Variants in CNPY4 observed in about 807,000 individuals in gnomAD.
The protein encoded by CNPY4 is protein canopy homolog 4.
Under a neutral mutation model 30.1 loss-of-function variants are expected in CNPY4, and 33 were observed. That is an observed-to-expected ratio of 1.10 (90% CI 0.83 to 1.46). CNPY4 has a LOEUF of 1.46. Among genes scored for constraint, CNPY4 ranks in the 40% most tolerant of loss-of-function variants. The pLI, the probability that CNPY4 is intolerant of heterozygous loss-of-function variation, is 0.00. For missense variants in CNPY4, 324 were observed against 302.6 expected, an observed-to-expected ratio of 1.07 and a Z score of -0.52; for synonymous variants, 109 against 110.1, an observed-to-expected ratio of 0.99 and a Z score of 0.06.
At chr7:100,124,436 G>A in intron 4 of CNPY4, 78 bp from the exon 5 acceptor site, 6 of 1,163,486 alleles carry the variant, frequency 5.2e-6, no homozygotes, top group Non-Finnish European at 6.4e-6. Flanking sequence ...AATCAGTCAG[G>A]TTGAGCAGGG....
chr7:100,121,595 C>G (rs543152269), intron 1 of CNPY4, among the ~76,000 whole-genome samples: 1 of 151,850 alleles, frequency 6.6e-6, no homozygotes, highest in Non-Finnish European at 1.5e-5. Flanking sequence ...CAGGTGCGCA[C>G]CACCACACCT....
chr7:100,124,361 T>C, intron 4 of CNPY4, 153 bp from the exon 5 acceptor site: 1 of 612,774 alleles, frequency 1.6e-6, no homozygotes, highest in Admixed American at 2.7e-5. Flanking sequence ...TAAATGTTTG[T>C]TGAATGAATG....
At chr7:100,123,153 C>G (rs1447331992) in intron 4 of CNPY4, among the ~76,000 whole-genome samples, 1 of 151,880 alleles carries the variant, frequency 6.6e-6, no homozygotes, top group African/African-American at 2.4e-5. Flanking sequence ...ACCAGCCTGG[C>G]CAACAAGGCA....
At chr7:100,121,117 T>TATACATATATA (rs1491228284) in intron 1 of CNPY4, 1 of 35,162 alleles carries the variant, frequency 2.8e-5, no homozygotes, top group Non-Finnish European at 4.9e-5. Context: ...TATATATATA[T>TATACATATATA]TTTTTTTTTT....
rs554298119 is a variant in CNPY4, at chr7:100,121,911, G to A, written c.119-348G>A. 8 of 205,786 alleles carry A rather than the reference G, an allele frequency of 3.9e-5. No homozygotes were observed. The South Asian group carries it at 4.5e-4, about 11-fold the overall frequency. 12.7% of individuals were successfully genotyped at this position (205,786 alleles called of 1,614,324 possible). A position where few individuals can be genotyped will look rare whatever the true frequency, so the allele number is the denominator to read the frequency against. ...TAAAAATACAAAAAATTAGCCGGGC[G>A]TGGTGGTGGGTGCCTGTAGTCCCAG... On this transcript the variant is annotated intron_variant, in intron 1 of 5. Transcript: ENST00000262932.
chr7:100,121,779 G>T (rs894350699), intron 1 of CNPY4, among the ~76,000 whole-genome samples: 1 of 151,608 alleles, frequency 6.6e-6, no homozygotes, highest in Non-Finnish European at 1.5e-5. Context: ...GGCCGGGCGT[G>T]GTGGCTCACG....
chr7:100,123,492 C>A (rs535178866), intron 4 of CNPY4, among the ~76,000 whole-genome samples: 139 of 152,164 alleles, frequency 9.1e-4, no homozygotes, highest in South Asian at 6.6e-3. Context: ...ACATAAGAGA[C>A]CCCCTTCTCT....
intron 1 of CNPY4, chr7:100,121,116 A>ATAT (rs1584585316): frequency 7.6e-5 from 4 of 52,774 alleles, no homozygotes; most frequent in African/African-American, 2.9e-4. Context: ...ATATATATAT[A>ATAT]TTTTTTTTTT....
intron 3 of CNPY4, 40 bp from the exon 4 acceptor site, chr7:100,122,744 G>C (rs1471892949): frequency 6.3e-6 from 10 of 1,592,764 alleles, no homozygotes; most frequent in Non-Finnish European, 8.6e-6. Flanking sequence ...GGAGGGGTGG[G>C]GTGGTGAGCT....
rs771894410 is a variant in CNPY4, at chr7:100,119,728, G to A, written c.-17G>A. On this transcript the variant is annotated 5_prime_UTR_variant, in exon 1 of 6. Coordinates refer to ENST00000262932, the MANE Select transcript of CNPY4 (RefSeq NM_152755.2). ...AGTTGAAGGCAAGCGGTGATTGTTT[G>A]TAGACGGCGCTTTGTCATGGGACCT... The A allele has an allele frequency of 1.2e-6, 2 of 1,614,088 alleles. No individual in the cohort carries two copies. Among genetic ancestry groups the A allele is most frequent in the South Asian group, 2.2e-5 (2 of 91,072 alleles).
intron 3 of CNPY4, 97 bp from the exon 4 acceptor site, chr7:100,122,687 C>T: frequency 6.5e-7 from 1 of 1,531,704 alleles, no homozygotes; most frequent in Non-Finnish European, 8.9e-7. Flanking sequence ...GGAACTCACC[C>T]TTGAATCTCC....
intron 1 of CNPY4, 75 bp from the exon 2 acceptor site, chr7:100,122,184 C>T: frequency 6.3e-7 from 1 of 1,581,922 alleles, no homozygotes; most frequent in African/African-American, 1.3e-5. Context: ...GCTCTGCTGC[C>T]TCAGGTCATC....
At chr7:100,121,127 T>TACA (rs1798050000) in intron 1 of CNPY4, 6 of 74,160 alleles carry the variant, frequency 8.1e-5, no homozygotes, top group Non-Finnish European at 8.5e-5. Context: ...TTTTTTTTTT[T>TACA]TTTTTTTTTT....
chr7:100,122,675 A>G, intron 3 of CNPY4, 98 bp downstream of exon 3: 2 of 1,516,752 alleles, frequency 1.3e-6, no homozygotes, highest in South Asian at 1.2e-5. Context: ...TCTCACCATC[A>G]TGGAACTCAC....
In CNPY4 at chr7:100,122,250, C is replaced by T. The variant is rs923961597; in HGVS notation, c.119-9C>T. On this transcript the variant is annotated splice_polypyrimidine_tract_variant and intron_variant, in intron 1 of 5. Coordinates refer to ENST00000262932, the MANE Select transcript of CNPY4 (RefSeq NM_152755.2). ...TTACCTCCCCCCGGACGTTTCTCCT[C>T]CCCACCAGTGTGTAAGCTGCTGAGC... The T allele has an allele frequency of 1.2e-6, 2 of 1,612,268 alleles. No homozygotes were observed. Among genetic ancestry groups the T allele is most frequent in the African/African-American group, 1.3e-5 (1 of 74,848 alleles).
chr7:100,123,371 A>G (rs35146811), intron 4 of CNPY4, among the ~76,000 whole-genome samples: 1 of 151,492 alleles, frequency 6.6e-6, no homozygotes, highest in African/African-American at 2.4e-5. Flanking sequence ...AAAACAAAAA[A>G]AAAGAAATCA....
chr7:100,125,116 A>C lies in CNPY4; in HGVS notation c.*228A>C. The C allele has an allele frequency of 1.9e-6, 1 of 519,122 alleles. No homozygotes were observed. The highest frequency in any genetic ancestry group is 3.4e-6 in the Non-Finnish European group (1 of 296,380). 32.2% of individuals were successfully genotyped at this position (519,122 alleles called of 1,614,324 possible). A position where few individuals can be genotyped will look rare whatever the true frequency, so the allele number is the denominator to read the frequency against. On this transcript the variant is annotated 3_prime_UTR_variant, in exon 6 of 6. Transcript: ENST00000262932. Reference sequence around the variant, plus strand: ...CTGCTCCTAGAGATGAACTCTATCCAGCCCCTTAATTGGCAGGTGTATGTG... The same window carrying C: ...CTGCTCCTAGAGATGAACTCTATCCCGCCCCTTAATTGGCAGGTGTATGTG...
rs780105615 is a variant in CNPY4 at position 100,122,402 on chromosome 7, C to T, written c.245+17C>T. The T allele has an allele frequency of 2.5e-6, 4 of 1,613,932 alleles. No homozygotes were observed. The highest frequency in any genetic ancestry group is 2.5e-6 in the Non-Finnish European group (3 of 1,180,022). ...CAGCGTTTCGTGAGTCCTTCGTGCT[C>T]CTCCCCTTTCCAACCCCCAACGGAG... is the stretch of plus-strand genomic sequence containing the variant. On this transcript the variant is annotated intron_variant, in intron 2 of 5. Transcript: ENST00000262932.
At position 100,119,725 on chromosome 7, in the gene CNPY4, T is replaced by A; in HGVS notation, c.-20T>A. The A allele has an allele frequency of 6.2e-7, 1 of 1,614,006 alleles. No homozygotes were observed. Among genetic ancestry groups the A allele is most frequent in the Non-Finnish European group, 8.5e-7 (1 of 1,179,922 alleles). The stretch of plus-strand genomic sequence containing the variant: ...CGAAGTTGAAGGCAAGCGGTGATTG[T>A]TTGTAGACGGCGCTTTGTCATGGGA... On this transcript the variant is annotated 5_prime_UTR_variant, in exon 1 of 6. Transcript: ENST00000262932.
Sources: gnomAD v4.1 joint callset for allele counts (sites outside exome capture counted in the v4.1 genomes callset) on GRCh38, gnomAD v4.1.1 for gene constraint, MANE v1.5 for transcripts, NCBI Gene and HGNC (gene_info 2026-07-23, HGNC 2026-07-21) for gene names.